TPO: variants seen among roughly 807,000 people sequenced by gnomAD.
TPO encodes the protein thyroid microsomal antigen.
In TPO, 78 loss-of-function variants were observed where a neutral mutation model predicts 96.9. The ratio of observed to expected loss-of-function variants is 0.81; its 90% CI spans 0.67 to 0.97. The LOEUF (loss-of-function observed/expected upper bound fraction) is 0.97. Ranked by LOEUF, TPO falls within the 50% of genes least tolerant of loss-of-function variation. The probability of loss-of-function intolerance (pLI) is 0.00; values close to 1 mark genes in which losing one functional copy is unlikely to be tolerated. For synonymous variants in TPO, 547 were observed against 538.0 expected (o/e 1.02, Z -0.23); for missense variants, 1,252 against 1,274.8 (o/e 0.98, Z 0.27).
chr2:1,443,840 C>T (rs1244407473), intron 5 of TPO, among the ~76,000 whole-genome samples: 1 of 108,740 alleles, frequency 9.2e-6, no homozygotes, highest in East Asian at 2.8e-4. Flanking sequence ...ATGGGGCAGG[C>T]TCCTTCTTGT....
chr2:1,498,396 C>T (rs1672564277), intron 13 of TPO, among the ~76,000 whole-genome samples: 1 of 152,202 alleles, frequency 6.6e-6, no homozygotes. Flanking sequence ...CAAAGCTGGC[C>T]TGGGGAACGG....
At position 1,406,170 on chromosome 2, in the gene TPO, A is replaced by G. The variant is rs186486156; in HGVS notation, n.180+31768A>G. ...TTGGGAGCTGTTTAGTGATATTCAC[A>G]TCCTCCTCTAGAAATTACTTAAGTG... On this transcript the variant is annotated intron_variant and non_coding_transcript_variant, in intron 1 of 5. Coordinates refer to the TPO transcript ENST00000497517. Among the ~76,000 whole-genome samples the G allele has an allele frequency of 1.3e-4, 20 of 152,326 alleles. 1 individual carries two copies. The East Asian group carries it at 3.9e-3, about 29-fold the overall frequency.
At chr2:1,540,434 G>C (rs986996298) in intron 15 of TPO, among the ~76,000 whole-genome samples, 160 bp from the exon 16 acceptor site, 4 of 150,352 alleles carry the variant, frequency 2.7e-5, no homozygotes, top group African/African-American at 9.8e-5. Flanking sequence ...AAATATATCA[G>C]ATTATGATCG....
At position 1,540,712 on chromosome 2, in the gene TPO, G is replaced by A. The variant is rs779790736; in HGVS notation, c.2737G>A (p.Asp913Asn). The A allele has an allele frequency of 9.3e-6, 15 of 1,613,242 alleles. No individual in the cohort carries two copies. Among genetic ancestry groups the A allele is most frequent in the Non-Finnish European group, 1.2e-5 (14 of 1,180,032 alleles). Residue 913 changes from aspartate to asparagine, a missense_variant, in exon 16 of 17, where the codon GAC (aspartate) becomes AAC (asparagine). Physicochemically the swap from Asp to Asn is conservative, Grantham distance 23. Coordinates refer to ENST00000329066, the MANE Select transcript of TPO (RefSeq NM_001206744.2). ...GTSPQRAAAQ[D>N]SEQESAGMEG... The stretch of plus-strand genomic sequence containing the variant: ...CTCACCGCAGCGGGCCGCAGCTCAG[G>A]ACTCGGAGCAGGTGGGCCACACCAT...
chr2:1,375,089 GT>G (rs2148334213), intron 1 of TPO, among the ~76,000 whole-genome samples: 2 of 147,854 alleles, frequency 1.4e-5, no homozygotes, highest in Non-Finnish European at 3.0e-5. Context: ...TGATTAAAGA[GT>G]TTTTAATTTT....
chr2:1,523,152 A>C (rs1368757563), intron 15 of TPO, among the ~76,000 whole-genome samples: 56 of 81,676 alleles, frequency 6.9e-4, no homozygotes, highest in African/African-American at 7.9e-4. Flanking sequence ...GCATCCTCCC[A>C]AAATCCCCCA....
In TPO at chr2:1,524,185, C is replaced by A. The variant is rs1318252853; in HGVS notation, c.2618+7203C>A. Among the ~76,000 whole-genome samples the A allele has an allele frequency of 4.8e-5, 7 of 147,266 alleles. 1 individual carries two copies. The highest frequency in any genetic ancestry group is 1.8e-4 in the African/African-American group (7 of 39,400). Reference sequence around the variant, plus strand: ...CAAACTGTGTGCAACCTCCTCAAATCCCCATCCTGTGTGCAACCTCCTCAA... The same window carrying A: ...CAAACTGTGTGCAACCTCCTCAAATACCCATCCTGTGTGCAACCTCCTCAA... On this transcript the variant is annotated intron_variant, in intron 15 of 16. Coordinates refer to ENST00000329066, the MANE Select transcript of TPO (RefSeq NM_001206744.2).
At position 1,494,032 on chromosome 2, in the gene TPO, G is replaced by C; in HGVS notation, c.1999G>C (p.Gly667Arg). Residue 667 changes from glycine (G) to arginine (R), a missense_variant, in exon 11 of 17, where the codon GGT (glycine) becomes CGT (arginine). Physicochemically the swap from Gly to Arg is moderately radical, Grantham distance 125. Coordinates refer to ENST00000329066, the MANE Select transcript of TPO (RefSeq NM_001206744.2). Reference protein sequence around the residue: ...IGKQMKALRDGDWFWWENSHV... With the variant: ...IGKQMKALRDRDWFWWENSHV... ...GAAGCAGATGAAGGCTCTGCGGGAC[G>C]GTGACTGGTACGTTCCTATCCAGAG... The C allele has an allele frequency of 6.2e-7, 1 of 1,613,870 alleles. No individual in the cohort carries two copies. Among genetic ancestry groups the C allele is most frequent in the Non-Finnish European group, 8.5e-7 (1 of 1,179,846 alleles).
chr2:1,399,613 G>A (rs55956710), intron 1 of TPO, among the ~76,000 whole-genome samples: 3,117 of 152,294 alleles, frequency 0.02, 113 homozygotes, highest in African/African-American at 0.071. Flanking sequence ...TAACCACAGG[G>A]AACTGAAACT....
intron 9 of TPO, among the ~76,000 whole-genome samples, chr2:1,487,485 A>C (rs574486788): frequency 6.6e-6 from 1 of 152,356 alleles, no homozygotes; most frequent in Non-Finnish European, 1.5e-5. Flanking sequence ...CTGTAATCCC[A>C]GCACTTTGGG....
At chr2:1,410,357 G>T (rs933163682), upstream of TPO, among the ~76,000 whole-genome samples, 9 of 152,214 alleles carry the variant, frequency 5.9e-5, no homozygotes, top group African/African-American at 1.9e-4. Flanking sequence ...AAGAACACAA[G>T]GCAGTCAGGC....
At chr2:1,432,536 C>T (rs1377750718) in intron 3 of TPO, among the ~76,000 whole-genome samples, 13 of 129,616 alleles carry the variant, frequency 1.0e-4, no homozygotes, top group African/African-American at 3.9e-4. Context: ...GGGAGGCCTG[C>T]AGGTGAGGAG....
chr2:1,424,828 C>T (rs560365031), intron 3 of TPO, among the ~76,000 whole-genome samples: 16 of 145,740 alleles, frequency 1.1e-4, no homozygotes, highest in African/African-American at 3.1e-4. Context: ...TTCTAGATGC[C>T]GGGATACAGA....
intron 1 of TPO, among the ~76,000 whole-genome samples, chr2:1,385,000 A>G (rs1206115537): frequency 6.6e-6 from 1 of 152,196 alleles, no homozygotes; most frequent in Non-Finnish European, 1.5e-5. Context: ...TTCTGTTTAT[A>G]TGCTGGATTA....
At chr2:1,514,601 C>T (rs956659831) in intron 14 of TPO, among the ~76,000 whole-genome samples, 1 of 152,162 alleles carries the variant, frequency 6.6e-6, no homozygotes, top group African/African-American at 2.4e-5. Context: ...CGGGGTGGCA[C>T]TGAAGAGGTC....
At chr2:1,530,714 C>G (rs1490460777) in intron 15 of TPO, among the ~76,000 whole-genome samples, 7 of 95,934 alleles carry the variant, frequency 7.3e-5, no homozygotes, top group Non-Finnish European at 1.5e-4. Flanking sequence ...CCTCAAATCC[C>G]CCCCACTGTG....
chr2:1,387,419 C>CT (rs565002780), intron 1 of TPO, among the ~76,000 whole-genome samples: 93 of 152,208 alleles, frequency 6.1e-4, no homozygotes, highest in African/African-American at 2.1e-3. Context: ...TCTTTTTATT[C>CT]TTTTTTCTCT....
At chr2:1,538,660 T>G (rs1680360737) in intron 15 of TPO, among the ~76,000 whole-genome samples, 1 of 152,230 alleles carries the variant, frequency 6.6e-6, no homozygotes, top group Admixed American at 6.5e-5. Flanking sequence ...ACATGGTTGC[T>G]TCAGGTGGCT....
At chr2:1,466,610 A>C (rs1668919894) in intron 7 of TPO, among the ~76,000 whole-genome samples, 1 of 152,114 alleles carries the variant, frequency 6.6e-6, no homozygotes, top group South Asian at 2.1e-4. Context: ...GACTTAAGCT[A>C]GGAGGGTTAT....
Sources: allele counts gnomAD v4.1 joint callset (sites outside exome capture counted in the v4.1 genomes callset), GRCh38; gene constraint gnomAD v4.1.1; transcripts MANE v1.5; gene names NCBI Gene and HGNC (gene_info 2026-07-23, HGNC 2026-07-21).